HPSE2: variants seen among roughly 807,000 people sequenced by gnomAD.
HPSE2 encodes the protein inactive heparanase-2.
In HPSE2, 38 loss-of-function variants were observed where a neutral mutation model predicts 60.5. The observed-to-expected ratio is 0.63, with a 90% CI of 0.48 to 0.82. The LOEUF (loss-of-function observed/expected upper bound fraction) is 0.82, where lower values mean the gene tolerates loss of function less well. HPSE2 is among the 40% of genes least tolerant of loss of function. The pLI is 0.00. For missense variants in HPSE2, 713 were observed against 740.4 expected, an observed-to-expected ratio of 0.96 and a Z score of 0.43; for synonymous variants, 295 against 293.2, an observed-to-expected ratio of 1.01 and a Z score of -0.06.
At chr10:98,580,836 A>ATATATATAATATATGTGTGTGTGTGTGTG in intron 9 of HPSE2, among the ~76,000 whole-genome samples, 9 of 119,528 alleles carry the variant, frequency 7.5e-5, no homozygotes, top group African/African-American at 3.2e-4. Flanking sequence ...ATATATATAT[A>ATATATATAATATATGTGTGTGTGTGTGTG]TGTGTGTGTG....
At chr10:99,068,130 C>A (rs762542332) in intron 3 of HPSE2, among the ~76,000 whole-genome samples, 1 of 152,158 alleles carries the variant, frequency 6.6e-6, no homozygotes, top group African/African-American at 2.4e-5. Flanking sequence ...GCATTTTGCT[C>A]AAAGCCATTC....
At chr10:98,655,193 T>C (rs191107388) in intron 6 of HPSE2, among the ~76,000 whole-genome samples, 1 of 152,038 alleles carries the variant, frequency 6.6e-6, no homozygotes, top group Admixed American at 6.6e-5. Context: ...GTGTGGGGAA[T>C]GCCCTTTCTC....
At chr10:99,313,626 A>C in the HPSE2 span, among the ~76,000 whole-genome samples, 1 of 96,562 alleles carries the variant, frequency 1.0e-5, no homozygotes, top group Non-Finnish European at 1.9e-5. Context: ...TTTGAGACGG[A>C]GTCTCACTCT....
chr10:98,714,547 T>C (rs1356165283), intron 5 of HPSE2, among the ~76,000 whole-genome samples: 1 of 151,910 alleles, frequency 6.6e-6, no homozygotes, highest in Non-Finnish European at 1.5e-5. Flanking sequence ...TTCATTTCTT[T>C]TCATTGTCTA....
At chr10:98,731,955 T>C (rs1239597946) in intron 4 of HPSE2, among the ~76,000 whole-genome samples, 1 of 152,212 alleles carries the variant, frequency 6.6e-6, no homozygotes, top group East Asian at 1.9e-4. Flanking sequence ...GGATACAATA[T>C]CAATTTATAA....
intron 3 of HPSE2, among the ~76,000 whole-genome samples, chr10:99,088,125 A>G (rs1843388302): frequency 6.6e-6 from 1 of 151,812 alleles, no homozygotes; most frequent in Non-Finnish European, 1.5e-5. Context: ...TACTTTCCCT[A>G]TTACCTTTAT....
At position 98,818,022 on chromosome 10, in the gene HPSE2, T is replaced by C. The variant is rs557738461; in HGVS notation, c.611-73966A>G. Reference sequence around the variant, plus strand: ...CCAGTCCCTCAGTTGGCCCCACCAATCAGCATATATGAAAAGTTGGCCCTC... The same window carrying C: ...CCAGTCCCTCAGTTGGCCCCACCAACCAGCATATATGAAAAGTTGGCCCTC... On this transcript the variant is annotated intron_variant, in intron 3 of 11. Coordinates refer to ENST00000370552, the MANE Select transcript of HPSE2 (RefSeq NM_021828.5). Among the ~76,000 whole-genome samples, 7 of 152,308 alleles carry C rather than the reference T, an allele frequency of 4.6e-5. No homozygotes were observed. The South Asian group carries it at 1.5e-3, about 32-fold the overall frequency.
rs994307792 is a variant in HPSE2, at chr10:98,932,883, C to T, written c.611-188827G>A. On this transcript the variant is annotated intron_variant, in intron 3 of 11. Coordinates refer to ENST00000370552, the MANE Select transcript of HPSE2 (RefSeq NM_021828.5). Reference sequence around the variant, plus strand: ...CTCCTCTCTTTTCTTCTCTATTAGTCTTGCTAACAGTCTATCTATTTTATT... The same window carrying T: ...CTCCTCTCTTTTCTTCTCTATTAGTTTTGCTAACAGTCTATCTATTTTATT... 4.2e-5 allele frequency among the ~76,000 whole-genome samples: 6 copies of T among 143,448 alleles called. 2 individuals carry two copies. Among genetic ancestry groups the T allele is most frequent in the Admixed American group, 4.2e-4 (6 of 14,414 alleles). The allele number at this position is 143,448 out of a possible 152,430, so 94.1% of individuals were successfully genotyped here.
chr10:98,697,219 G>A (rs1183345749), intron 5 of HPSE2, among the ~76,000 whole-genome samples: 2 of 152,174 alleles, frequency 1.3e-5, no homozygotes, highest in African/African-American at 4.8e-5. Context: ...TGAGCTCAAG[G>A]AGCATGTTCT....
chr10:98,975,826 G>A (rs984208301), intron 3 of HPSE2, among the ~76,000 whole-genome samples: 1 of 152,036 alleles, frequency 6.6e-6, no homozygotes, highest in African/African-American at 2.4e-5. Flanking sequence ...TTGGACATCG[G>A]GGGTTCTTCA....
intron 3 of HPSE2, among the ~76,000 whole-genome samples, chr10:98,964,069 C>T (rs888788290): frequency 6.6e-6 from 1 of 152,176 alleles, no homozygotes; most frequent in East Asian, 1.9e-4. Flanking sequence ...ATGAGGAACA[C>T]CTGCATAGTT....
intron 3 of HPSE2, among the ~76,000 whole-genome samples, chr10:99,086,842 G>A (rs1843338223): frequency 6.6e-6 from 1 of 152,104 alleles, no homozygotes; most frequent in South Asian, 2.1e-4. Flanking sequence ...CTCCTTCTGA[G>A]GATTGACAAG....
Position 99,232,354 on chromosome 10 carries a change from C to A in HPSE2, c.442G>T (p.Glu148Ter). Residue 148 changes from glutamate (E) to a stop codon, truncating the protein, a stop_gained, in exon 2 of 12, where the codon GAG becomes TAG. Coordinates refer to ENST00000370552, the MANE Select transcript of HPSE2 (RefSeq NM_021828.5). LOFTEE classifies it high-confidence loss of function. Reference sequence around the variant, plus strand: ...TGGTAATCAAGTTTCTCACCATCCTCATAGTTTTTGAGATAGTAATCCGGG... The same window carrying A: ...TGGTAATCAAGTTTCTCACCATCCTAATAGTTTTTGAGATAGTAATCCGGG... ...PGPDYYLKNY[E>*]DDIVRSDVAL... The A allele has an allele frequency of 6.4e-7, 1 of 1,551,662 alleles. No individual in the cohort carries two copies. The highest frequency in any genetic ancestry group is 8.7e-7 in the Non-Finnish European group (1 of 1,146,986).
chr10:98,706,936 C>A (rs1537891), intron 5 of HPSE2, among the ~76,000 whole-genome samples: 1 of 152,062 alleles, frequency 6.6e-6, no homozygotes, highest in African/African-American at 2.4e-5. Flanking sequence ...TCGTCTTCCA[C>A]GTATGTTTGT....
At chr10:98,813,625 G>A (rs1441623855) in intron 3 of HPSE2, among the ~76,000 whole-genome samples, 1 of 152,106 alleles carries the variant, frequency 6.6e-6, no homozygotes, top group East Asian at 1.9e-4. Flanking sequence ...AATCAGATTG[G>A]GACCCATTTT....
chr10:98,543,247 G>A (rs1181880025), intron 9 of HPSE2, among the ~76,000 whole-genome samples: 2 of 152,004 alleles, frequency 1.3e-5, no homozygotes, highest in Non-Finnish European at 2.9e-5. Flanking sequence ...AAGTGAAGGA[G>A]AAATAAAATA....
chr10:99,009,200 T>C (rs1244105842), intron 3 of HPSE2, among the ~76,000 whole-genome samples: 2 of 121,810 alleles, frequency 1.6e-5, no homozygotes, highest in African/African-American at 6.3e-5. Context: ...AGCCAGGGGT[T>C]CACAACCAGC....
At chr10:98,803,753 C>G (rs1348520388) in intron 3 of HPSE2, among the ~76,000 whole-genome samples, 2 of 150,990 alleles carry the variant, frequency 1.3e-5, no homozygotes, top group Non-Finnish European at 3.0e-5. Flanking sequence ...AGTCAGGTAG[C>G]ATGATGCCTC....
intron 3 of HPSE2, among the ~76,000 whole-genome samples, chr10:98,853,773 C>A (rs551811989): frequency 6.6e-6 from 1 of 152,304 alleles, no homozygotes; most frequent in African/African-American, 2.4e-5. Flanking sequence ...CTACTTCTTA[C>A]TAACTGTGTG....
Sources: allele counts gnomAD v4.1 joint callset (sites outside exome capture counted in the v4.1 genomes callset), GRCh38; gene constraint gnomAD v4.1.1; transcripts MANE v1.5; gene names NCBI Gene and HGNC (gene_info 2026-07-23, HGNC 2026-07-21).